The following KIF21B variants were observed in gnomAD, a reference collection of about 807,000 sequenced individuals.
KIF21B encodes the protein kinesin family member 21B.
A neutral mutation model predicts 192.9 loss-of-function variants in KIF21B; 85 were observed. The ratio of observed to expected loss-of-function variants is 0.44; its 90% CI spans 0.37 to 0.53. KIF21B has a LOEUF of 0.53. KIF21B is among the 20% of genes least tolerant of loss of function. The pLI is 0.00. For missense variants in KIF21B, 1,716 were observed against 2,194.8 expected, an observed-to-expected ratio of 0.78 and a Z score of 4.36; for synonymous variants, 832 against 884.6, an observed-to-expected ratio of 0.94 and a Z score of 1.05.
intron 1 of KIF21B, among the ~76,000 whole-genome samples, chr1:201,022,597 C>T (rs895291539): frequency 6.6e-6 from 1 of 152,168 alleles, no homozygotes; most frequent in Non-Finnish European, 1.5e-5. Flanking sequence ...TCATTTCTGC[C>T]GGCTCAAGTC....
At chr1:201,014,629 C>A (rs1422976094) in intron 1 of KIF21B, among the ~76,000 whole-genome samples, 1 of 152,226 alleles carries the variant, frequency 6.6e-6, no homozygotes, top group African/African-American at 2.4e-5. Context: ...ACAAAGCCCA[C>A]CAATCAGCCC....
At position 201,000,573 on chromosome 1, in the gene KIF21B, G is replaced by A. The variant is rs761625663; in HGVS notation, c.1502C>T (p.Ser501Phe). 10 of 1,613,318 alleles carry A rather than the reference G, an allele frequency of 6.2e-6. No individual in the cohort carries two copies. In the Admixed American group the frequency reaches 8.3e-5, roughly 13 times the overall value. ...KLLESEAMNE[S>F]LRRSLSRASA... ...GGCCCGTGAGAGGCTGCGGCGCAGG[G>A]ACTCGTTCATGGCTTCACTCTCTAG... is the stretch of plus-strand genomic sequence containing the variant. Residue 501 changes from serine (S) to phenylalanine (F), a missense_variant, in exon 11 of 35, where the codon TCC (serine) becomes TTC (phenylalanine). Transcript: ENST00000461742. The surrounding 1 kb of genome is among the most constrained non-coding windows in gnomAD (Gnocchi z 6.0).
rs1308558587 is a variant in KIF21B at position 200,988,350 on chromosome 1, G to C, written c.3354C>G (p.Phe1118Leu). Residue 1118 changes from phenylalanine to leucine, a missense_variant, in exon 24 of 35, where the codon TTC becomes TTG. Phe to Leu is a conservative substitution (Grantham distance 22, BLOSUM62 0). Around this residue, in one of 3 missense-constraint regions of KIF21B, gnomAD observed 580 missense variants for 775.5 expected, o/e 0.75. Transcript: ENST00000461742. ...EEISEFSEGSFSQSFTMKGST... is the reference protein window; with the variant it reads ...EEISEFSEGSLSQSFTMKGST... ...AGCCTTTCATGGTGAATGACTGGGA[G>C]AAGCTGAGGAAGAAGCAGAGAGAGT... 1 of 1,614,148 alleles carries C rather than the reference G, an allele frequency of 6.2e-7. No individual in the cohort carries two copies. The highest frequency in any genetic ancestry group is 1.7e-5 in the Admixed American group (1 of 60,022).
chr1:201,012,845 T>A (rs1658313295), intron 1 of KIF21B, among the ~76,000 whole-genome samples: 2 of 152,160 alleles, frequency 1.3e-5, no homozygotes, highest in Non-Finnish European at 1.5e-5. Flanking sequence ...CGTTTTGCCA[T>A]GTTGCCCAGG....
chr1:201,013,106 C>T (rs577152077), intron 1 of KIF21B, among the ~76,000 whole-genome samples: 1 of 152,222 alleles, frequency 6.6e-6, no homozygotes, highest in Non-Finnish European at 1.5e-5. Flanking sequence ...CGGTGGCAGA[C>T]ACTGTCTCAG....
chr1:201,000,358 G>GCT lies in KIF21B; in HGVS notation c.1685+30_1685+31dup. Reference sequence around the variant, plus strand: ...CAGGGTCCACTGGGGCGGTCTGAGGGCTCTCAGGGGCGGGGACGACACTCC... The same window carrying GCT: ...CAGGGTCCACTGGGGCGGTCTGAGGGCTCTCTCAGGGGCGGGGACGACACTCC... On this transcript the variant is annotated intron_variant, in intron 11 of 34. Coordinates refer to ENST00000461742, the MANE Select transcript of KIF21B (RefSeq NM_001252102.2). This position sits in a 1 kb window ranked among gnomAD's most constrained non-coding sequence, Gnocchi z 6.0. 7.2e-6 allele frequency: 11 copies of GCT among 1,526,554 alleles called. No individual in the cohort carries two copies. The highest frequency in any genetic ancestry group is 8.7e-6 in the Non-Finnish European group (10 of 1,146,238). 94.6% of individuals were successfully genotyped at this position (1,526,554 alleles called of 1,614,324 possible).
At chr1:201,004,978 CACTGGCT>C in intron 5 of KIF21B, 45 bp from the exon 6 acceptor site, 14 of 1,572,154 alleles carry the variant, frequency 8.9e-6, no homozygotes, top group Non-Finnish European at 1.2e-5. Flanking sequence ...TCGCCCACCT[CACTGGCT>C]CCCCTGATCA....
At chr1:200,981,351 T>C (rs566467688) in intron 28 of KIF21B, among the ~76,000 whole-genome samples, 1 of 152,200 alleles carries the variant, frequency 6.6e-6, no homozygotes, top group Non-Finnish European at 1.5e-5. Flanking sequence ...AACCCGGTGT[T>C]AGGCACAGCT....
chr1:200,975,699 C>T lies in KIF21B; in HGVS notation c.4444-30G>A. ...GGGAGGAGGGGCCAGTAGGGAGAGG[C>T]CAAGTGGGAGGATGGAAGGCAGGGC... On this transcript the variant is annotated intron_variant, in intron 32 of 34. Transcript: ENST00000461742. The surrounding 1 kb of genome is among the most constrained non-coding windows in gnomAD (Gnocchi z 4.3). 1 of 1,583,402 alleles carries T rather than the reference C, an allele frequency of 6.3e-7. No homozygotes were observed. Among genetic ancestry groups the T allele is most frequent in the South Asian group, 1.1e-5 (1 of 87,184 alleles).
intron 34 of KIF21B, 125 bp downstream of exon 34, chr1:200,974,589 A>G: frequency 9.2e-6 from 9 of 983,008 alleles, no homozygotes; most frequent in Non-Finnish European, 1.4e-5. Flanking sequence ...GGAGGCCACC[A>G]TGGAATCTGC....
chr1:201,015,256 T>C (rs536406211), intron 1 of KIF21B, among the ~76,000 whole-genome samples: 26 of 152,352 alleles, frequency 1.7e-4, no homozygotes, highest in African/African-American at 6.3e-4. Flanking sequence ...AGCTGCCCAC[T>C]TGTGTGTAAT....
At chr1:201,007,211 C>G (rs577541485) in intron 3 of KIF21B, among the ~76,000 whole-genome samples, 1 of 104,388 alleles carries the variant, frequency 9.6e-6, no homozygotes, top group East Asian at 2.0e-4. Flanking sequence ...CACACACACA[C>G]ACAGAGACAG....
chr1:200,981,901 A>AT (rs1341111199), intron 28 of KIF21B, among the ~76,000 whole-genome samples: 1 of 151,950 alleles, frequency 6.6e-6, no homozygotes, highest in Admixed American at 6.6e-5. Flanking sequence ...TCTGAAGATG[A>AT]TTTTTTTCTC....
intron 1 of KIF21B, among the ~76,000 whole-genome samples, chr1:201,021,450 G>A (rs1016891491): frequency 6.6e-6 from 1 of 152,226 alleles, no homozygotes; most frequent in Non-Finnish European, 1.5e-5. Context: ...GCAAGGCGTG[G>A]GGGCACCCAG....
In KIF21B at chr1:200,975,652, C is replaced by T. The variant is rs933230094; in HGVS notation, c.4461G>A (p.Glu1487=). 4.3e-6 allele frequency: 7 copies of T among 1,610,270 alleles called. No homozygotes were observed. The African/African-American group carries it at 5.3e-5, about 12-fold the overall frequency. ...DHYVKMFELG[E]CVTGTIGPTH... is the part of the protein sequence containing the mutation. ...TGGGGCCGATGGTGCCCGTCACACA[C>T]TCGCCCAGCTCGAACATCTGTGGGA... The change falls in exon 33 of 35, where the codon GAG becomes GAA. Residue 1487 remains glutamate (E), a synonymous_variant. Transcript: ENST00000461742. This position sits in a 1 kb window ranked among gnomAD's most constrained non-coding sequence, Gnocchi z 4.3.
intron 1 of KIF21B, among the ~76,000 whole-genome samples, chr1:201,012,552 CAGTGA>C (rs1409558102): frequency 6.6e-5 from 10 of 152,218 alleles, no homozygotes; most frequent in African/African-American, 2.4e-4. Flanking sequence ...ACAGTAAATA[CAGTGA>C]AGTTGGGTAT....
intron 21 of KIF21B, 145 bp from the exon 22 acceptor site, chr1:200,989,076 C>T (rs1656503276): frequency 5.1e-6 from 4 of 784,858 alleles, no homozygotes; most frequent in East Asian, 2.7e-5. Flanking sequence ...GACCTGAGAG[C>T]ACCGCCAGCC....
chr1:200,979,064 T>TA lies in KIF21B; in HGVS notation c.4160+470dup, dbSNP rs111674075. Among the ~76,000 whole-genome samples, 171 of 152,174 alleles carry TA rather than the reference T, an allele frequency of 1.1e-3. 1 individual carries two copies. Among genetic ancestry groups the TA allele is most frequent in the Middle Eastern group, 6.8e-3 (2 of 294 alleles). On this transcript the variant is annotated intron_variant, in intron 30 of 34. Transcript: ENST00000461742. Reference sequence around the variant, plus strand: ...TGTAAGGATGTAGCATGACTTCTGCTAAAAAAAACCACTTTATTTTGCAAG... The same window carrying TA: ...TGTAAGGATGTAGCATGACTTCTGCTAAAAAAAAACCACTTTATTTTGCAAG...
At position 201,002,355 on chromosome 1, in the gene KIF21B, G is replaced by C; in HGVS notation, c.1213-5C>G. 1.2e-6 allele frequency: 2 copies of C among 1,610,282 alleles called. No individual in the cohort carries two copies. Among genetic ancestry groups the C allele is most frequent in the Non-Finnish European group, 1.7e-6 (2 of 1,176,772 alleles). ...CTCTCCTATCACTCGCTTGCCCTGG[G>C]AGCAGGGGCAAAGGGGAGCAGTCAG... On this transcript the variant is annotated splice_region_variant and splice_polypyrimidine_tract_variant and intron_variant, in intron 8 of 34. Coordinates refer to ENST00000461742, the MANE Select transcript of KIF21B (RefSeq NM_001252102.2).
Sources: gnomAD v4.1 joint callset for allele counts (sites outside exome capture counted in the v4.1 genomes callset) on GRCh38, gnomAD v4.1.1 for gene constraint, gnomAD v4.1.1 regional missense constraint, Gnocchi (gnomAD v3.1) non-coding constraint, MANE v1.5 for transcripts, NCBI Gene and HGNC (gene_info 2026-07-23, HGNC 2026-07-21) for gene names.